PSD3: variants seen among roughly 807,000 people sequenced by gnomAD.
PSD3 encodes pleckstrin and Sec7 domain containing 3, also known as PH and SEC7 domain-containing protein 3.
Under a neutral mutation model 105.5 loss-of-function variants are expected in PSD3, and 49 were observed. The observed-to-expected ratio is 0.46, with a 90% CI of 0.37 to 0.59. PSD3 has a LOEUF of 0.59. PSD3 is among the 20% of genes least tolerant of loss of function. The pLI, the probability that PSD3 is intolerant of heterozygous loss-of-function variation, is 0.00. For synonymous variants in PSD3, 557 were observed against 457.8 expected, an observed-to-expected ratio of 1.22 and a Z score of -2.77; for missense variants, 1,561 against 1,263.8, an observed-to-expected ratio of 1.24 and a Z score of -3.57.
At chr8:18,915,235 A>T (rs976722174) in intron 2 of PSD3, among the ~76,000 whole-genome samples, 5 of 152,134 alleles carry the variant, frequency 3.3e-5, no homozygotes, top group African/African-American at 4.8e-5. Flanking sequence ...AAACTACAAA[A>T]CTACTAGAAT....
At chr8:19,050,523 C>T (rs1052986832) in intron 1 of PSD3, among the ~76,000 whole-genome samples, 3 of 152,182 alleles carry the variant, frequency 2.0e-5, no homozygotes, top group Admixed American at 6.5e-5. Context: ...ATGATGAGTT[C>T]ACATCCTTTG....
At chr8:18,796,476 AAAAG>A (rs1268550859) in intron 8 of PSD3, among the ~76,000 whole-genome samples, 3 of 152,230 alleles carry the variant, frequency 2.0e-5, no homozygotes, top group Non-Finnish European at 2.9e-5. Flanking sequence ...GAAAGTTAGA[AAAAG>A]AAAGGGATTT....
At chr8:18,682,860 A>G (rs533377397) in intron 9 of PSD3, among the ~76,000 whole-genome samples, 5 of 152,212 alleles carry the variant, frequency 3.3e-5, no homozygotes, top group Non-Finnish European at 5.9e-5. Context: ...GGGTCTGGAT[A>G]TAACCCCGAG....
chr8:18,562,216 C>A (rs1801435767), intron 14 of PSD3, among the ~76,000 whole-genome samples: 4 of 152,170 alleles, frequency 2.6e-5, no homozygotes, highest in Admixed American at 2.6e-4. Context: ...CAGTCTTTTC[C>A]TCCAAGCTGT....
rs1817462662 is a variant in PSD3, at chr8:18,872,586, C to T, written c.278G>A (p.Gly93Asp). Residue 93 changes from glycine to aspartate, a missense_variant, in exon 3 of 16, where the codon GGT becomes GAT. Physicochemically the swap from Gly to Asp is moderately conservative, Grantham distance 94. Coordinates refer to ENST00000327040, the MANE Select transcript of PSD3 (RefSeq NM_015310.4). Reference protein sequence around the residue: ...ALPCHPQEQQGVQPLTGCHSG... With the variant: ...ALPCHPQEQQDVQPLTGCHSG... ...GTGGCAGCCAGTAAGAGGCTGGACACCCTGCTGCTCTTGTGGGTGGCATGG... is the reference window on the plus strand; with the variant it reads ...GTGGCAGCCAGTAAGAGGCTGGACATCCTGCTGCTCTTGTGGGTGGCATGG... The T allele has an allele frequency of 2.5e-6, 4 of 1,614,040 alleles. No homozygotes were observed. The highest frequency in any genetic ancestry group is 1.1e-5 in the South Asian group (1 of 91,060).
chr8:19,044,908 G>A (rs1828257718), intron 1 of PSD3, among the ~76,000 whole-genome samples: 1 of 152,144 alleles, frequency 6.6e-6, no homozygotes, highest in African/African-American at 2.4e-5. Context: ...GTCCAGGCTG[G>A]GCATGGCGGA....
chr8:18,752,115 G>A (rs1805543673), intron 9 of PSD3, among the ~76,000 whole-genome samples: 1 of 151,786 alleles, frequency 6.6e-6, no homozygotes, highest in South Asian at 2.1e-4. Context: ...TTGAACCCAG[G>A]AGGCGGAGGT....
In PSD3 at chr8:18,684,219, C is replaced by T; in HGVS notation, c.2173-28534G>A. On this transcript the variant is annotated intron_variant, in intron 9 of 15. Coordinates refer to ENST00000327040, the MANE Select transcript of PSD3 (RefSeq NM_015310.4). ...TCTCTCTTTTCCACACACACACACA[C>T]ACACACACACACACACACACACACA... is the stretch of plus-strand genomic sequence containing the variant. 3 of 204,882 alleles carry T rather than the reference C, an allele frequency of 1.5e-5. No homozygotes were observed. The South Asian group carries it at 4.4e-4, about 30-fold the overall frequency. The allele number at this position is 204,882 out of a possible 1,614,324, so 12.7% of individuals were successfully genotyped here. A position where few individuals can be genotyped will look rare whatever the true frequency, so the allele number is the denominator to read the frequency against.
At chr8:18,748,226 T>C (rs1184357970) in intron 9 of PSD3, among the ~76,000 whole-genome samples, 2 of 152,206 alleles carry the variant, frequency 1.3e-5, no homozygotes, top group Non-Finnish European at 2.9e-5. Context: ...CTTTGTATTT[T>C]TCAAAGGTTG....
At chr8:18,821,936 A>G (rs1812776830) in intron 4 of PSD3, among the ~76,000 whole-genome samples, 1 of 151,884 alleles carries the variant, frequency 6.6e-6, no homozygotes, top group African/African-American at 2.4e-5. Flanking sequence ...CCATCCTAAG[A>G]AAAAATAAGA....
intron 1 of PSD3, among the ~76,000 whole-genome samples, chr8:19,036,422 A>G (rs1234509556): frequency 1.3e-5 from 2 of 152,108 alleles, no homozygotes; most frequent in African/African-American, 4.8e-5. Context: ...TTGACCTCTC[A>G]AGTCTTGGAG....
At position 18,559,607 on chromosome 8, in the gene PSD3, T is replaced by C. The variant is rs565151074; in HGVS notation, c.2785-3255A>G. On this transcript the variant is annotated intron_variant, in intron 14 of 15. Transcript: ENST00000327040. ...TAAGAAAAAATAGGATTTTAGGTAATTTGGTAAAAGAATTTACAAACTTCT... is the reference window on the plus strand; with the variant it reads ...TAAGAAAAAATAGGATTTTAGGTAACTTGGTAAAAGAATTTACAAACTTCT... 4.2e-4 allele frequency among the ~76,000 whole-genome samples: 57 copies of C among 135,918 alleles called. 1 individual carries two copies. The highest frequency in any genetic ancestry group is 1.5e-3 in the African/African-American group (54 of 36,004). The allele number at this position is 135,918 out of a possible 152,430, so 89.2% of individuals were successfully genotyped here. A position where few individuals can be genotyped will look rare whatever the true frequency, so the allele number is the denominator to read the frequency against.
chr8:18,952,559 TGTGCTGTGA>T (rs1248698231), intron 1 of PSD3, among the ~76,000 whole-genome samples: 1 of 152,222 alleles, frequency 6.6e-6, no homozygotes, highest in Non-Finnish European at 1.5e-5. Flanking sequence ...AATCCCTAAT[TGTGCTGTGA>T]GAGACTGATA....
intron 9 of PSD3, among the ~76,000 whole-genome samples, chr8:18,671,920 T>C (rs527750540): frequency 2.0e-4 from 30 of 152,290 alleles, no homozygotes; most frequent in East Asian, 5.8e-4. Flanking sequence ...CGTGAGCCAC[T>C]GCGCCGGGCC....
At chr8:18,766,315 C>G (rs773479813) in intron 8 of PSD3, among the ~76,000 whole-genome samples, 13 of 152,184 alleles carry the variant, frequency 8.5e-5, no homozygotes, top group Non-Finnish European at 1.8e-4. Flanking sequence ...GCCTGGGTGA[C>G]AGAGTGCAAC....
intron 1 of PSD3, among the ~76,000 whole-genome samples, chr8:19,068,081 C>G (rs536835401): frequency 3.9e-5 from 6 of 152,274 alleles, no homozygotes; most frequent in African/African-American, 1.4e-4. Context: ...GCTGGGAATA[C>G]AGGACTGGCT....
At chr8:19,049,641 C>T (rs777507640) in intron 1 of PSD3, among the ~76,000 whole-genome samples, 3 of 141,824 alleles carry the variant, frequency 2.1e-5, no homozygotes, top group African/African-American at 8.0e-5. Context: ...CTGTGAGCCA[C>T]GATTGCTCCA....
intron 1 of PSD3, among the ~76,000 whole-genome samples, chr8:19,037,891 C>T (rs186887106): frequency 2.3e-4 from 34 of 150,158 alleles, no homozygotes; most frequent in African/African-American, 8.3e-4. Context: ...ATAAATCTCT[C>T]TACATATATT....
chr8:18,644,362 G>C (rs918645974), intron 10 of PSD3, among the ~76,000 whole-genome samples: 1 of 152,114 alleles, frequency 6.6e-6, no homozygotes, highest in Non-Finnish European at 1.5e-5. Flanking sequence ...ATTTTGCTTT[G>C]AAATTTATTG....
Sources: allele counts gnomAD v4.1 joint callset (sites outside exome capture counted in the v4.1 genomes callset), GRCh38; gene constraint gnomAD v4.1.1; transcripts MANE v1.5; gene names NCBI Gene and HGNC (gene_info 2026-07-23, HGNC 2026-07-21).